Variants in ADAM20 observed in about 807,000 individuals in gnomAD.
ADAM20 encodes disintegrin and metalloproteinase domain-containing protein 20.
For missense variants in ADAM20, 871 were observed against 883.2 expected, an observed-to-expected ratio of 0.99 and a Z score of 0.18; for synonymous variants, 305 against 310.2, an observed-to-expected ratio of 0.98 and a Z score of 0.18.
the ADAM20 span, among the ~76,000 whole-genome samples, chr14:70,550,651 G>A: frequency 1.4e-5 from 1 of 69,594 alleles, no homozygotes; most frequent in Non-Finnish European, 2.6e-5. Flanking sequence ...CTCTGAAATT[G>A]TGGCAATAAT....
At chr14:70,571,597 C>A in the ADAM20 span, among the ~76,000 whole-genome samples, 3 of 152,108 alleles carry the variant, frequency 2.0e-5, no homozygotes, top group African/African-American at 7.2e-5. Flanking sequence ...ATCCATTCTC[C>A]CCATGCCTAT....
chr14:70,533,292 CA>C (rs1417184129), intron 1 of ADAM20, among the ~76,000 whole-genome samples: 1 of 152,188 alleles, frequency 6.6e-6, no homozygotes, highest in Non-Finnish European at 1.5e-5. Context: ...TATAAAGACA[CA>C]TGCACACGTA....
chr14:70,546,609 G>C, the ADAM20 span, among the ~76,000 whole-genome samples: 61 of 152,164 alleles, frequency 4.0e-4, no homozygotes, highest in Non-Finnish European at 1.5e-4. Flanking sequence ...TGGAAGGCAT[G>C]TTTGCCCTGA....
At chr14:70,533,809 A>T (rs1233448052) in intron 1 of ADAM20, among the ~76,000 whole-genome samples, 1 of 151,724 alleles carries the variant, frequency 6.6e-6, no homozygotes, top group South Asian at 2.1e-4. Context: ...CAGGCTGGGC[A>T]CGGTGGCTCA....
At chr14:70,553,607 TTATCAC>T in the ADAM20 span, among the ~76,000 whole-genome samples, 1 of 150,430 alleles carries the variant, frequency 6.6e-6, no homozygotes, top group Non-Finnish European at 1.5e-5. Flanking sequence ...CAAGCAGGAT[TTATCAC>T]TGGGATGTAA....
chr14:70,547,202 G>C, the ADAM20 span: 1 of 152,248 alleles, frequency 6.6e-6, no homozygotes, highest in Non-Finnish European at 1.5e-5. Flanking sequence ...AAGCCATAAT[G>C]AAAAGTCTCT....
the ADAM20 span, among the ~76,000 whole-genome samples, chr14:70,576,848 C>T: frequency 6.6e-6 from 1 of 152,148 alleles, no homozygotes; most frequent in Non-Finnish European, 1.5e-5. Flanking sequence ...AACGTTTTCC[C>T]GCTAGGGAAA....
At chr14:70,538,136 C>T (rs1044222279), upstream of ADAM20, among the ~76,000 whole-genome samples, 3 of 152,070 alleles carry the variant, frequency 2.0e-5, no homozygotes, top group Admixed American at 6.5e-5. Context: ...CTCTCTGCCC[C>T]GGTGTCCCGC....
At chr14:70,558,665 G>C in the ADAM20 span, among the ~76,000 whole-genome samples, 1 of 151,958 alleles carries the variant, frequency 6.6e-6, no homozygotes, top group African/African-American at 2.4e-5. Context: ...TTATTGGAGG[G>C]GAGACATGAA....
the ADAM20 span, among the ~76,000 whole-genome samples, chr14:70,544,016 A>G: frequency 6.6e-6 from 1 of 152,088 alleles, no homozygotes; most frequent in African/African-American, 2.4e-5. Context: ...TTCCAACCAT[A>G]AGATAAACCC....
Position 70,522,808 on chromosome 14 carries a change from T to C in ADAM20, c.1950A>G (p.Gln650=). 3 of 1,614,012 alleles carry C rather than the reference T, an allele frequency of 1.9e-6. No homozygotes were observed. The South Asian group carries it at 3.3e-5, about 18-fold the overall frequency. ...CCCATTCATGGTTGCAGTGACAGTG[T>C]TGTTTGTTGTTGCAGATTCCCCTCA... ...CNMRGICNNK[Q]HCHCNHEWAP... The change falls in exon 2 of 2, where the codon CAA becomes CAG. Residue 650 remains glutamine, a synonymous_variant. Coordinates refer to ENST00000256389, the MANE Select transcript of ADAM20 (RefSeq NM_003814.5).
chr14:70,554,089 G>A, the ADAM20 span, among the ~76,000 whole-genome samples: 1 of 151,732 alleles, frequency 6.6e-6, no homozygotes, highest in African/African-American at 2.4e-5. Context: ...AAAATTGCAG[G>A]GTACAAAAAT....
At chr14:70,578,285 G>A in the ADAM20 span, among the ~76,000 whole-genome samples, 16,503 of 152,060 alleles carry the variant, frequency 0.11, 1,343 homozygotes, top group East Asian at 0.49. Flanking sequence ...AAACTGACTA[G>A]GTATATGCAG....
At chr14:70,537,423 C>T (rs1883859938), upstream of ADAM20, among the ~76,000 whole-genome samples, 1 of 152,208 alleles carries the variant, frequency 6.6e-6, no homozygotes, top group Admixed American at 6.5e-5. Flanking sequence ...CCAACCGCAA[C>T]ATCCAACATC....
In ADAM20 at chr14:70,524,438, T is replaced by C. The variant is rs1378139566; in HGVS notation, c.320A>G (p.Asp107Gly). ...ALLQDQPFIQ[D>G]DCYYHGYVEG... ...CACATAACCATGGTAGTAGCAGTCA[T>C]CCTGGATGAAGGGCTGATCCTGGAG... Residue 107 changes from aspartate (D) to glycine (G), a missense_variant, in exon 2 of 2, where the codon GAT (aspartate) becomes GGT (glycine). Asp to Gly is a moderately conservative substitution (Grantham distance 94, BLOSUM62 -1). Transcript: ENST00000256389. The C allele has an allele frequency of 1.2e-6, 2 of 1,614,036 alleles. No individual in the cohort carries two copies. The highest frequency in any genetic ancestry group is 3.3e-5 in the Admixed American group (2 of 59,984).
chr14:70,569,344 T>G, the ADAM20 span, among the ~76,000 whole-genome samples: 6 of 152,190 alleles, frequency 3.9e-5, no homozygotes, highest in Non-Finnish European at 7.4e-5. Flanking sequence ...AGTTCTCAGA[T>G]GCTACAAAAC....
chr14:70,546,620 G>A, the ADAM20 span, among the ~76,000 whole-genome samples: 1 of 152,174 alleles, frequency 6.6e-6, no homozygotes, highest in African/African-American at 2.4e-5. Context: ...TTTGCCCTGA[G>A]CAGTTCTGGG....
the ADAM20 span, among the ~76,000 whole-genome samples, chr14:70,560,349 T>G: frequency 6.6e-6 from 1 of 152,168 alleles, no homozygotes; most frequent in Non-Finnish European, 1.5e-5. Context: ...TCCAGGCACA[T>G]GGCTGAATAA....
chr14:70,575,457 A>G, the ADAM20 span, among the ~76,000 whole-genome samples: 1 of 152,094 alleles, frequency 6.6e-6, no homozygotes, highest in Non-Finnish European at 1.5e-5. Context: ...ACATTAAGTG[A>G]ATAGATCCCA....
Sources: allele counts gnomAD v4.1 joint callset (sites outside exome capture counted in the v4.1 genomes callset), GRCh38; gene constraint gnomAD v4.1.1; transcripts MANE v1.5; gene names NCBI Gene and HGNC (gene_info 2026-07-23, HGNC 2026-07-21).